Variants in MMP16 observed in about 807,000 individuals in gnomAD.
The protein encoded by MMP16 is matrix metallopeptidase 16.
In MMP16, 12 loss-of-function variants were observed where a neutral mutation model predicts 67.8. The ratio of observed to expected loss-of-function variants is 0.18; its 90% CI spans 0.11 to 0.29. The LOEUF is 0.29. MMP16 is among the 10% of genes least tolerant of loss of function. The probability of loss-of-function intolerance (pLI) is 1.00; values close to 1 mark genes in which losing one functional copy is unlikely to be tolerated. For synonymous variants in MMP16, 249 were observed against 255.9 expected, an observed-to-expected ratio of 0.97 and a Z score of 0.26; for missense variants, 475 against 765.7, an observed-to-expected ratio of 0.62 and a Z score of 4.48.
chr8:88,033,334 A>G lies in MMP16; in HGVS notation c.*8127T>C, dbSNP rs1808010070. On this transcript the variant is annotated 3_prime_UTR_variant, in exon 10 of 10. Coordinates refer to ENST00000286614, the MANE Select transcript of MMP16 (RefSeq NM_005941.5). ...TGTATCATATATACTATATATTCCT[A>G]AATCTATATTACCAGATAGCTTATA... 1 of 150,180 alleles carries G rather than the reference A, an allele frequency of 6.7e-6. No individual in the cohort carries two copies. Among genetic ancestry groups the G allele is most frequent in the African/African-American group, 2.4e-5 (1 of 41,122 alleles). The allele number at this position is 150,180 out of a possible 1,614,324, so 9.3% of individuals were successfully genotyped here.
At chr8:88,299,254 A>G (rs767384831) in intron 1 of MMP16, among the ~76,000 whole-genome samples, 20 of 152,206 alleles carry the variant, frequency 1.3e-4, no homozygotes, top group Non-Finnish European at 2.6e-4. Context: ...AAGTGAATGC[A>G]TAAACCCTGG....
chr8:88,059,449 G>C (rs1240541823), intron 7 of MMP16, among the ~76,000 whole-genome samples: 1 of 152,040 alleles, frequency 6.6e-6, no homozygotes, highest in Non-Finnish European at 1.5e-5. Context: ...TATCTGATGG[G>C]ATTTTCTACA....
Position 88,190,870 on chromosome 8 carries a change from A to C in MMP16, c.282-4272T>G, listed in dbSNP as rs565716858. On this transcript the variant is annotated intron_variant, in intron 2 of 9. Transcript: ENST00000286614. ...ATTGCTTAAACATAGTTACTTTTTCAGTGTGTCAACACACAACTCATATAA... is the reference window on the plus strand; with the variant it reads ...ATTGCTTAAACATAGTTACTTTTTCCGTGTGTCAACACACAACTCATATAA... Among the ~76,000 whole-genome samples the C allele has an allele frequency of 2.0e-5, 3 of 152,196 alleles. No homozygotes were observed. In the South Asian group the frequency reaches 6.2e-4, roughly 32 times the overall value.
At chr8:88,310,332 G>A (rs1389113534) in intron 1 of MMP16, among the ~76,000 whole-genome samples, 1 of 151,998 alleles carries the variant, frequency 6.6e-6, no homozygotes, top group Non-Finnish European at 1.5e-5. Flanking sequence ...CAAAGTCCAA[G>A]GTGCTCACCA....
At chr8:88,092,198 T>C (rs1331229761) in intron 6 of MMP16, among the ~76,000 whole-genome samples, 1 of 151,870 alleles carries the variant, frequency 6.6e-6, no homozygotes, top group Non-Finnish European at 1.5e-5. Context: ...AATTGTGGTA[T>C]CACAGTATCA....
intron 1 of MMP16, among the ~76,000 whole-genome samples, chr8:88,199,230 G>A (rs1421046973): frequency 1.3e-5 from 2 of 151,874 alleles, no homozygotes; most frequent in African/African-American, 4.8e-5. Context: ...TACAGATAGA[G>A]GAACTATAAA....
At chr8:88,302,146 A>G (rs1811113665) in intron 1 of MMP16, among the ~76,000 whole-genome samples, 1 of 152,092 alleles carries the variant, frequency 6.6e-6, no homozygotes, top group South Asian at 2.1e-4. Flanking sequence ...AGGTTCCCAG[A>G]TGCCCTATTT....
intron 1 of MMP16, among the ~76,000 whole-genome samples, chr8:88,318,748 G>A (rs940928078): frequency 2.0e-5 from 3 of 152,094 alleles, no homozygotes; most frequent in Non-Finnish European, 2.9e-5. Context: ...AATTAAATGC[G>A]TTTATATATG....
At chr8:88,099,834 C>T (rs896593313) in intron 6 of MMP16, among the ~76,000 whole-genome samples, 1 of 151,854 alleles carries the variant, frequency 6.6e-6, no homozygotes, top group African/African-American at 2.4e-5. Context: ...TACCTCCTGC[C>T]TTCTTTACTT....
intron 4 of MMP16, among the ~76,000 whole-genome samples, chr8:88,147,362 A>G (rs1399855734): frequency 6.6e-6 from 1 of 152,054 alleles, no homozygotes; most frequent in Admixed American, 6.5e-5. Context: ...ACATGCTATT[A>G]TTATCCAATA....
intron 7 of MMP16, among the ~76,000 whole-genome samples, chr8:88,061,002 A>G (rs1048650794): frequency 7.5e-6 from 1 of 134,088 alleles, no homozygotes; most frequent in African/African-American, 2.8e-5. Context: ...GTGGGAAAAT[A>G]TAAGGCATGC....
chr8:88,259,212 T>C (rs1431823043), intron 1 of MMP16, among the ~76,000 whole-genome samples: 1 of 152,170 alleles, frequency 6.6e-6, no homozygotes, highest in African/African-American at 2.4e-5. Context: ...ATATATAGTA[T>C]ACATGTAACT....
Position 88,207,356 on chromosome 8 carries a change from T to C in MMP16, c.133-10050A>G, listed in dbSNP as rs540222134. Among the ~76,000 whole-genome samples the C allele has an allele frequency of 4.3e-4, 65 of 152,296 alleles. No homozygotes were observed. The East Asian group carries it at 0.011, about 26-fold the overall frequency. ...CTGTTGCTATTGCAGTGAGCCCAAA[T>C]GTTGTATCTGCTGAAAACGCTATGT... is the stretch of plus-strand genomic sequence containing the variant. On this transcript the variant is annotated intron_variant, in intron 1 of 9. Transcript: ENST00000286614.
chr8:88,084,772 C>A (rs975019132), intron 6 of MMP16, among the ~76,000 whole-genome samples: 1 of 151,842 alleles, frequency 6.6e-6, no homozygotes, highest in Non-Finnish European at 1.5e-5. Context: ...AAAAAATACT[C>A]ATTAAAAATC....
At chr8:88,205,215 G>C (rs1809407617) in intron 1 of MMP16, among the ~76,000 whole-genome samples, 1 of 152,120 alleles carries the variant, frequency 6.6e-6, no homozygotes, top group African/African-American at 2.4e-5. Context: ...CACATCAATA[G>C]TAAAAAGGAG....
intron 1 of MMP16, among the ~76,000 whole-genome samples, chr8:88,313,902 C>A (rs1421742162): frequency 1.3e-5 from 2 of 152,026 alleles, no homozygotes; most frequent in African/African-American, 4.8e-5. Context: ...CATCAGATCT[C>A]ATGAGACTTA....
chr8:88,044,345 G>C (rs1328022659), intron 9 of MMP16, among the ~76,000 whole-genome samples: 4 of 152,222 alleles, frequency 2.6e-5, no homozygotes, highest in African/African-American at 9.6e-5. Flanking sequence ...CTAGGAGATA[G>C]ACAGTGTAAG....
At chr8:88,092,964 G>A (rs549528124) in intron 6 of MMP16, among the ~76,000 whole-genome samples, 1 of 151,782 alleles carries the variant, frequency 6.6e-6, no homozygotes, top group Non-Finnish European at 1.5e-5. Flanking sequence ...CAAATCTGTG[G>A]AAGAATAACA....
intron 6 of MMP16, among the ~76,000 whole-genome samples, chr8:88,105,152 T>A (rs1586153797): frequency 2.4e-3 from 1 of 414 alleles, no homozygotes; most frequent in East Asian, 0.062. Context: ...TTATCTCATC[T>A]TTTTTTTTTT....
Sources: gnomAD v4.1 joint callset for allele counts (sites outside exome capture counted in the v4.1 genomes callset) on GRCh38, gnomAD v4.1.1 for gene constraint, MANE v1.5 for transcripts, NCBI Gene and HGNC (gene_info 2026-07-23, HGNC 2026-07-21) for gene names.